ADAM23: variants seen among roughly 807,000 people sequenced by gnomAD.
ADAM23 encodes ADAM metallopeptidase domain 23.
Under a neutral mutation model 120.1 loss-of-function variants are expected in ADAM23, and 33 were observed. The observed-to-expected ratio is 0.27, with a 90% CI of 0.21 to 0.37. ADAM23 has a LOEUF of 0.37. Among genes scored for constraint, ADAM23 ranks in the 10% least tolerant of loss-of-function variants. The pLI, the probability that ADAM23 is intolerant of heterozygous loss-of-function variation, is 1.00. For synonymous variants in ADAM23, 367 were observed against 375.2 expected (o/e 0.98, Z 0.25); for missense variants, 862 against 1,058.2 (o/e 0.81, Z 2.57).
intron 2 of ADAM23, among the ~76,000 whole-genome samples, chr2:206,477,504 C>G (rs947467712): frequency 8.5e-5 from 13 of 152,136 alleles, no homozygotes; most frequent in African/African-American, 3.1e-4. Context: ...TAAAACCCTG[C>G]ATTCTTCCCC....
chr2:206,521,673 T>A (rs1574511099), intron 3 of ADAM23, among the ~76,000 whole-genome samples: 2 of 152,342 alleles, frequency 1.3e-5, no homozygotes, highest in East Asian at 3.9e-4. Context: ...TAGTATTCTT[T>A]TATTTTTCTT....
At chr2:206,608,848 A>G (rs1698777382) in intron 24 of ADAM23, among the ~76,000 whole-genome samples, 1 of 152,218 alleles carries the variant, frequency 6.6e-6, no homozygotes, top group African/African-American at 2.4e-5. Context: ...TTACACAGAA[A>G]TGAATGTTTA....
chr2:206,605,847 G>C, intron 24 of ADAM23: 1 of 693,452 alleles, frequency 1.4e-6, no homozygotes, highest in South Asian at 1.5e-5. Context: ...CTGGCCCTGG[G>C]GGTGATTTTT....
chr2:206,575,749 G>T (rs1698098714), intron 18 of ADAM23, among the ~76,000 whole-genome samples: 1 of 152,156 alleles, frequency 6.6e-6, no homozygotes, highest in African/African-American at 2.4e-5. Context: ...ACAATGTATG[G>T]CACGGGGAGC....
At chr2:206,574,052 C>A (rs56045940) in intron 18 of ADAM23, among the ~76,000 whole-genome samples, 70,605 of 151,850 alleles carry the variant, frequency 0.46, 16,482 homozygotes, top group African/African-American at 0.48. Context: ...TTGCACCAAC[C>A]AAATATAAAC....
intron 3 of ADAM23, among the ~76,000 whole-genome samples, chr2:206,498,381 A>G (rs1696305637): frequency 6.6e-6 from 1 of 152,206 alleles, no homozygotes; most frequent in Non-Finnish European, 1.5e-5. Context: ...GACAAACCTG[A>G]CAAAAAGAAG....
chr2:206,488,470 G>A (rs994800873), intron 3 of ADAM23, among the ~76,000 whole-genome samples: 2 of 152,178 alleles, frequency 1.3e-5, no homozygotes, highest in African/African-American at 4.8e-5. Context: ...AGACAAGGAG[G>A]GAGGAGCTAG....
intron 3 of ADAM23, among the ~76,000 whole-genome samples, chr2:206,490,778 A>G (rs1218209278): frequency 1.3e-5 from 2 of 152,072 alleles, no homozygotes; most frequent in East Asian, 1.9e-4. Context: ...TTTTGTTGCC[A>G]TATTTTCTCT....
At chr2:206,521,629 G>A (rs1696844032) in intron 3 of ADAM23, among the ~76,000 whole-genome samples, 1 of 152,146 alleles carries the variant, frequency 6.6e-6, no homozygotes, top group Admixed American at 6.6e-5. Context: ...GTGAATGTAT[G>A]TATATAAACA....
At chr2:206,473,827 G>A (rs750856101) in intron 2 of ADAM23, among the ~76,000 whole-genome samples, 2 of 151,246 alleles carry the variant, frequency 1.3e-5, no homozygotes, top group Non-Finnish European at 2.9e-5. Context: ...GGACAGCATG[G>A]TGCGACCCCA....
intron 4 of ADAM23, among the ~76,000 whole-genome samples, chr2:206,531,797 C>A (rs1697067638): frequency 6.6e-6 from 1 of 152,168 alleles, no homozygotes. Context: ...TCCTAGATTG[C>A]TAACACATGT....
chr2:206,512,521 A>C (rs972061671), intron 3 of ADAM23, among the ~76,000 whole-genome samples: 3 of 152,248 alleles, frequency 2.0e-5, no homozygotes, highest in Middle Eastern at 3.2e-3. Flanking sequence ...ACAATTTATA[A>C]TACTGATCTG....
In ADAM23 at chr2:206,567,125, C is replaced by T. The variant is rs565292061; in HGVS notation, c.1395-98C>T. The T allele has an allele frequency of 5.3e-6, 5 of 947,456 alleles. No homozygotes were observed. The African/African-American group carries it at 8.2e-5, about 16-fold the overall frequency. The allele number at this position is 947,456 out of a possible 1,614,324, so 58.7% of individuals were successfully genotyped here. ...AAATTTGTGTAGATTCATTTGGATT[C>T]AAAGTGAACATTTTGTTCTAATTTA... On this transcript the variant is annotated intron_variant, in intron 14 of 25. Coordinates refer to ENST00000264377, the MANE Select transcript of ADAM23 (RefSeq NM_003812.4).
chr2:206,449,997 G>A (rs936016886), intron 2 of ADAM23, among the ~76,000 whole-genome samples: 4 of 152,084 alleles, frequency 2.6e-5, no homozygotes, highest in Non-Finnish European at 5.9e-5. Flanking sequence ...TTTAGATCTT[G>A]GTGATTATTT....
chr2:206,617,701 G>T lies in ADAM23; in HGVS notation c.*74G>T. 1 of 1,588,648 alleles carries T rather than the reference G, an allele frequency of 6.3e-7. No homozygotes were observed. The highest frequency in any genetic ancestry group is 1.2e-5 in the South Asian group (1 of 86,924). Reference sequence around the variant, plus strand: ...TGACATACTCGCAGCAGTGTTACTGGAACTATTAAGTTTGTAAACAAAACC... The same window carrying T: ...TGACATACTCGCAGCAGTGTTACTGTAACTATTAAGTTTGTAAACAAAACC... On this transcript the variant is annotated 3_prime_UTR_variant, in exon 26 of 26. Transcript: ENST00000264377.
chr2:206,512,534 C>T (rs1398713717), intron 3 of ADAM23, among the ~76,000 whole-genome samples: 1 of 152,076 alleles, frequency 6.6e-6, no homozygotes, highest in Non-Finnish European at 1.5e-5. Flanking sequence ...CTGATCTGAC[C>T]CTCTGAGCAT....
At chr2:206,487,964 A>T (rs1046931025) in intron 3 of ADAM23, among the ~76,000 whole-genome samples, 2 of 152,236 alleles carry the variant, frequency 1.3e-5, no homozygotes, top group African/African-American at 4.8e-5. Flanking sequence ...GGATTTAGGA[A>T]AACAATCTTT....
intron 4 of ADAM23, among the ~76,000 whole-genome samples, chr2:206,539,815 C>T (rs1370310234): frequency 1.3e-5 from 2 of 152,100 alleles, no homozygotes; most frequent in Non-Finnish European, 2.9e-5. Flanking sequence ...AATATTTTTC[C>T]ATAGTACTCT....
intron 18 of ADAM23, 98 bp downstream of exon 18, chr2:206,573,293 T>C (rs1016594644): frequency 1.8e-5 from 22 of 1,255,928 alleles, no homozygotes; most frequent in Non-Finnish European, 2.5e-5. Flanking sequence ...GATTTAAGAT[T>C]TTTTGGATTT....
Sources: allele counts gnomAD v4.1 joint callset (sites outside exome capture counted in the v4.1 genomes callset), GRCh38; gene constraint gnomAD v4.1.1; transcripts MANE v1.5; gene names NCBI Gene and HGNC (gene_info 2026-07-23, HGNC 2026-07-21).